The following MERTK variants were observed in gnomAD, a reference collection of about 807,000 sequenced individuals.
MERTK encodes the protein tyrosine-protein kinase Mer.
Under a neutral mutation model 99.3 loss-of-function variants are expected in MERTK, and 69 were observed. The ratio of observed to expected loss-of-function variants is 0.70; its 90% CI spans 0.57 to 0.85. MERTK has a LOEUF of 0.85. Ranked by LOEUF, MERTK falls within the 40% of genes least tolerant of loss-of-function variation. The pLI is 0.00. For missense variants in MERTK, 1,125 were observed against 1,249.4 expected (o/e 0.90, Z 1.50); for synonymous variants, 426 against 467.6 (o/e 0.91, Z 1.15).
chr2:112,025,015 G>A (rs1050871451), intron 18 of MERTK: 1 of 154,386 alleles, frequency 6.5e-6, no homozygotes. Flanking sequence ...GTGAGGGAAA[G>A]GTCAGTGACT....
chr2:111,941,467 C>T (rs540774079), intron 2 of MERTK, among the ~76,000 whole-genome samples: 14 of 152,304 alleles, frequency 9.2e-5, no homozygotes, highest in Admixed American at 9.2e-4. Flanking sequence ...GAACTTCCCC[C>T]CTTCCGCATC....
intron 4 of MERTK, among the ~76,000 whole-genome samples, chr2:111,950,041 G>A (rs1394984162): frequency 2.0e-5 from 3 of 152,204 alleles, no homozygotes; most frequent in Middle Eastern, 3.4e-3. Flanking sequence ...GGGTTCAAGC[G>A]ATTCTCCTGC....
Position 111,997,406 on chromosome 2 carries a change from T to A in MERTK, c.1534T>A (p.Phe512Ile), listed in dbSNP as rs1290441519. 2 of 1,614,156 alleles carry A rather than the reference T, an allele frequency of 1.2e-6. No individual in the cohort carries two copies. Among genetic ancestry groups the A allele is most frequent in the African/African-American group, 2.7e-5 (2 of 75,038 alleles). Residue 512 changes from phenylalanine to isoleucine, a missense_variant, in exon 10 of 19, where the codon TTT (phenylalanine) becomes ATT (isoleucine). Transcript: ENST00000295408. ...CATCATCTTTGGCTGCTTTTGTGGA[T>A]TTATTTTGATTGGGTTGATTTTATA... ...VLIIFGCFCG[F>I]ILIGLILYIS...
intron 4 of MERTK, among the ~76,000 whole-genome samples, chr2:111,964,049 T>TTTTTTTTTTTTTTTTTTTTTTTTTC: frequency 6.8e-6 from 1 of 147,502 alleles, no homozygotes; most frequent in African/African-American, 2.5e-5. Flanking sequence ...CTTTCTTTTT[T>TTTTTTTTTTTTTTTTTTTTTTTTTC]TTTTTTGCTC....
At chr2:112,010,684 A>G (rs934866452) in intron 15 of MERTK, among the ~76,000 whole-genome samples, 1 of 152,136 alleles carries the variant, frequency 6.6e-6, no homozygotes, top group African/African-American at 2.4e-5. Flanking sequence ...TGAGGGCTGT[A>G]GCGTTAAGGA....
In MERTK at chr2:111,987,534, C is replaced by T. The variant is rs572272630; in HGVS notation, c.1296+4541C>T. The stretch of plus-strand genomic sequence containing the variant: ...CCTTGCTTTGTAGGCATTTGTGGCA[C>T]TATGGATTTGATGTGTGGGCCCAGC... On this transcript the variant is annotated intron_variant, in intron 8 of 18. Transcript: ENST00000295408. Among the ~76,000 whole-genome samples the T allele has an allele frequency of 1.2e-4, 18 of 152,264 alleles. 1 individual carries two copies. Among genetic ancestry groups the T allele is most frequent in the African/African-American group, 4.3e-4 (18 of 41,542 alleles).
chr2:111,936,162 C>T (rs1300058409), intron 2 of MERTK, among the ~76,000 whole-genome samples: 2 of 152,164 alleles, frequency 1.3e-5, no homozygotes, highest in Non-Finnish European at 2.9e-5. Flanking sequence ...ATGATCTGCC[C>T]GCCTCGGCCT....
chr2:111,918,657 A>G (rs1303240518), intron 1 of MERTK, among the ~76,000 whole-genome samples: 1 of 152,286 alleles, frequency 6.6e-6, no homozygotes, highest in East Asian at 1.9e-4. Context: ...GGTCTGAGTC[A>G]GCATAATCAG....
At chr2:111,987,292 G>A (rs1370486347) in intron 8 of MERTK, among the ~76,000 whole-genome samples, 1 of 152,122 alleles carries the variant, frequency 6.6e-6, no homozygotes, top group East Asian at 1.9e-4. Context: ...CAACAGTCAT[G>A]TCACTTTCAG....
At chr2:111,946,126 C>T (rs1431460912) in intron 3 of MERTK, among the ~76,000 whole-genome samples, 1 of 152,142 alleles carries the variant, frequency 6.6e-6, no homozygotes, top group Non-Finnish European at 1.5e-5. Flanking sequence ...GGGGAAGAGA[C>T]TCCCTCAGAG....
chr2:111,899,060 G>GCTCC (rs1558763496), intron 1 of MERTK, among the ~76,000 whole-genome samples: 1 of 152,196 alleles, frequency 6.6e-6, no homozygotes, highest in East Asian at 1.9e-4. Flanking sequence ...GGCGTTGCAG[G>GCTCC]CTCCCCTCTT....
chr2:111,934,516 C>A (rs1274227499), intron 2 of MERTK, among the ~76,000 whole-genome samples: 1 of 152,138 alleles, frequency 6.6e-6, no homozygotes, highest in Non-Finnish European at 1.5e-5. Context: ...GCATAAATGT[C>A]TTCTTTTGAG....
At chr2:111,949,211 C>T (rs1685013066) in intron 4 of MERTK, among the ~76,000 whole-genome samples, 1 of 152,036 alleles carries the variant, frequency 6.6e-6, no homozygotes, top group Non-Finnish European at 1.5e-5. Flanking sequence ...TTGTCACCGT[C>T]TATAATTACC....
At chr2:112,019,387 T>G (rs1198182722) in intron 15 of MERTK, 26 bp from the exon 16 acceptor site, 15 of 1,559,466 alleles carry the variant, frequency 9.6e-6, no homozygotes, top group Non-Finnish European at 1.3e-5. Context: ...AAGATAGTCT[T>G]TCTTCTTGTT....
chr2:111,947,454 A>G lies in MERTK; in HGVS notation c.644A>G (p.Asn215Ser). The G allele has an allele frequency of 6.2e-7, 1 of 1,613,916 alleles. No individual in the cohort carries two copies. Among genetic ancestry groups the G allele is most frequent in the Non-Finnish European group, 8.5e-7 (1 of 1,179,988 alleles). ...SMNVTRNTAF[N>S]LTCQAVGPPE... ...AATGTCACCAGAAACACAGCCTTCA[A>G]CCTCACCTGTCAGGCTGTGGGCCCG... is the stretch of plus-strand genomic sequence containing the variant. Residue 215 changes from asparagine to serine, a missense_variant, in exon 4 of 19, where the codon AAC becomes AGC. Physicochemically the swap from Asn to Ser is conservative, Grantham distance 46 (BLOSUM62 1). Transcript: ENST00000295408.
intron 3 of MERTK, among the ~76,000 whole-genome samples, chr2:111,945,478 G>T (rs972432144): frequency 6.6e-6 from 1 of 152,236 alleles, no homozygotes. Flanking sequence ...TCTTGCCTAT[G>T]CAGACAGTGA....
rs1278258719 is a variant in MERTK at position 112,028,995 on chromosome 2, A to G, written c.*131A>G. 5 of 1,562,916 alleles carry G rather than the reference A, an allele frequency of 3.2e-6. No homozygotes were observed. Among genetic ancestry groups the G allele is most frequent in the Non-Finnish European group, 3.5e-6 (4 of 1,153,560 alleles). ...TCCATGGCCCCAAAGCACCAGATGA[A>G]TGTTGTTAAGTAAGCTGTCATTAAA... On this transcript the variant is annotated 3_prime_UTR_variant, in exon 19 of 19. Transcript: ENST00000295408.
Position 111,960,626 on chromosome 2 carries a change from G to A in MERTK, c.758-4565G>A, listed in dbSNP as rs180815506. Among the ~76,000 whole-genome samples, 611 of 151,758 alleles carry A rather than the reference G, an allele frequency of 4.0e-3. 5 individuals carry two copies. Among genetic ancestry groups the A allele is most frequent in the Admixed American group, 0.014 (208 of 15,220 alleles). ...CCTAATAATGAGTATAATCAATTCAGAAGAAAATATTTTTGCAATTTCAAG... is the reference window on the plus strand; with the variant it reads ...CCTAATAATGAGTATAATCAATTCAAAAGAAAATATTTTTGCAATTTCAAG... On this transcript the variant is annotated intron_variant, in intron 4 of 18. Transcript: ENST00000295408.
At chr2:111,957,886 T>A (rs761668224) in intron 4 of MERTK, among the ~76,000 whole-genome samples, 9 of 152,220 alleles carry the variant, frequency 5.9e-5, no homozygotes, top group Admixed American at 2.6e-4. Flanking sequence ...GCGGGATTGC[T>A]TAATCCAGAA....
Sources: allele counts gnomAD v4.1 joint callset (sites outside exome capture counted in the v4.1 genomes callset), GRCh38; gene constraint gnomAD v4.1.1; transcripts MANE v1.5; gene names NCBI Gene and HGNC (gene_info 2026-07-23, HGNC 2026-07-21).